Variants in PLEKHG3 observed in about 807,000 individuals in gnomAD.
The protein encoded by PLEKHG3 is pleckstrin homology and RhoGEF domain containing G3.
Under a neutral mutation model 94.9 loss-of-function variants are expected in PLEKHG3, and 62 were observed. The ratio of observed to expected loss-of-function variants is 0.65; its 90% CI spans 0.53 to 0.81. The LOEUF is 0.81. Ranked by LOEUF, PLEKHG3 falls within the 30% of genes least tolerant of loss-of-function variation. PLEKHG3 has a pLI of 0.00. For synonymous variants in PLEKHG3, 614 were observed against 654.0 expected (o/e 0.94, Z 0.93); for missense variants, 1,461 against 1,619.3 (o/e 0.90, Z 1.68).
At chr14:64,706,453 A>C (rs1464901095) in intron 1 of PLEKHG3, among the ~76,000 whole-genome samples, 1 of 152,204 alleles carries the variant, frequency 6.6e-6, no homozygotes, top group Admixed American at 6.5e-5. Context: ...ATAAAGTGGG[A>C]TTACTTGCCT....
chr14:64,732,216 G>T lies in PLEKHG3; in HGVS notation c.1212+35G>T. The T allele has an allele frequency of 6.4e-7, 1 of 1,571,590 alleles. No individual in the cohort carries two copies. Among genetic ancestry groups the T allele is most frequent in the Non-Finnish European group, 8.8e-7 (1 of 1,141,250 alleles). ...CCCAGCTCCTGACTGTGTGCAAGGA[G>T]AATGTGCTCCTCTGAGCCAGCTCTG... On this transcript the variant is annotated intron_variant, in intron 10 of 16. Coordinates refer to ENST00000247226, the MANE Select transcript of PLEKHG3 (RefSeq NM_001308147.2). The surrounding 1 kb of genome is among the most constrained non-coding windows in gnomAD (Gnocchi z 4.9).
chr14:64,732,360 G>C lies in PLEKHG3; in HGVS notation c.1213-67G>C, dbSNP rs1374414075. On this transcript the variant is annotated intron_variant, in intron 10 of 16. Transcript: ENST00000247226. The surrounding 1 kb of genome is among the most constrained non-coding windows in gnomAD (Gnocchi z 4.9). ...GGGGTGTCCTCGTACAGCAACAGTG[G>C]GTCCTATGGGCAGGGAAGGCCGGCA... is the stretch of plus-strand genomic sequence containing the variant. 6.9e-7 allele frequency: 1 copy of C among 1,444,646 alleles called. No individual in the cohort carries two copies. The highest frequency in any genetic ancestry group is 9.7e-7 in the Non-Finnish European group (1 of 1,025,776). The allele number at this position is 1,444,646 out of a possible 1,614,324, so 89.5% of individuals were successfully genotyped here.
chr14:64,747,612 A>G lies in PLEKHG3; in HGVS notation c.*3909A>G, dbSNP rs1039721756. On this transcript the variant is annotated 3_prime_UTR_variant, in exon 17 of 17. Transcript: ENST00000247226. ...CAGGGTGGAACTGATTTCTGCCGGC[A>G]CTGGTCAGCACTCAGGGTTCCTCAG... 1 of 152,214 alleles carries G rather than the reference A, an allele frequency of 6.6e-6. No individual in the cohort carries two copies. The highest frequency in any genetic ancestry group is 1.5e-5 in the Non-Finnish European group (1 of 68,038). 9.4% of individuals were successfully genotyped at this position (152,214 alleles called of 1,614,324 possible). A position where few individuals can be genotyped will look rare whatever the true frequency, so the allele number is the denominator to read the frequency against.
At position 64,739,026 on chromosome 14, in the gene PLEKHG3, T is replaced by G. The variant is rs2081632886; in HGVS notation, c.1518+171T>G. Among the ~76,000 whole-genome samples the G allele has an allele frequency of 6.6e-6, 1 of 152,122 alleles. No individual in the cohort carries two copies. The highest frequency in any genetic ancestry group is 1.5e-5 in the Non-Finnish European group (1 of 68,022). ...CATGAAGCCTGTTTGGCCTAGAGTATATGGTTTGGTGAGCAGACCACCCCT... is the reference window on the plus strand; with the variant it reads ...CATGAAGCCTGTTTGGCCTAGAGTAGATGGTTTGGTGAGCAGACCACCCCT... On this transcript the variant is annotated intron_variant, in intron 15 of 16. Coordinates refer to ENST00000247226, the MANE Select transcript of PLEKHG3 (RefSeq NM_001308147.2). This position sits in a 1 kb window ranked among gnomAD's most constrained non-coding sequence, Gnocchi z 4.1.
At chr14:64,729,838 G>C (rs1040635540) in intron 3 of PLEKHG3, among the ~76,000 whole-genome samples, 2 of 152,184 alleles carry the variant, frequency 1.3e-5, no homozygotes, top group African/African-American at 4.8e-5. Context: ...GGGGTGCCAG[G>C]ACTCACCTGT....
At chr14:64,737,915 G>A (rs1377793672) in intron 14 of PLEKHG3, 13 of 1,215,658 alleles carry the variant, frequency 1.1e-5, no homozygotes, top group Non-Finnish European at 1.4e-5. Context: ...CCCGTACTCG[G>A]GGCCTGCAGC....
chr14:64,741,876 T>C lies in PLEKHG3; in HGVS notation c.2359T>C (p.Phe787Leu), dbSNP rs367858296. The C allele has an allele frequency of 1.2e-5, 19 of 1,612,690 alleles. No homozygotes were observed. The highest frequency in any genetic ancestry group is 1.6e-5 in the Non-Finnish European group (19 of 1,179,616). ...VGSRPTSWAL[F>L]ELPGPSQAVK... ...CTCCCGGCCGACTTCGTGGGCCCTGTTTGAGCTCCCAGGACCAAGCCAGGC... is the reference window on the plus strand; with the variant it reads ...CTCCCGGCCGACTTCGTGGGCCCTGCTTGAGCTCCCAGGACCAAGCCAGGC... Residue 787 changes from phenylalanine to leucine, a missense_variant, in exon 16 of 17, where the codon TTT becomes CTT. Physicochemically the swap from Phe to Leu is conservative, Grantham distance 22. Around this residue, in one of 3 missense-constraint regions of PLEKHG3, gnomAD observed 1,201 missense variants for 1,295.5 expected, o/e 0.93. Coordinates refer to ENST00000247226, the MANE Select transcript of PLEKHG3 (RefSeq NM_001308147.2).
rs1218066306 is a variant in PLEKHG3, at chr14:64,718,570, G to A, written c.-39-9023G>A. Among the ~76,000 whole-genome samples the A allele has an allele frequency of 1.3e-5, 2 of 152,172 alleles. No individual in the cohort carries two copies. Among genetic ancestry groups the A allele is most frequent in the Non-Finnish European group, 2.9e-5 (2 of 68,038 alleles). On this transcript the variant is annotated intron_variant, in intron 1 of 16. Transcript: ENST00000247226. This position sits in a 1 kb window ranked among gnomAD's most constrained non-coding sequence, Gnocchi z 5.0. The stretch of plus-strand genomic sequence containing the variant: ...CAGCTTAGGTTGGAAGATTACTAGG[G>A]TTATCTTCAAATCAGAGAGAGATTG...
In PLEKHG3 at chr14:64,742,970, C is replaced by T. The variant is rs755411882; in HGVS notation, c.2939-12C>T. On this transcript the variant is annotated splice_polypyrimidine_tract_variant and intron_variant, in intron 16 of 16. Coordinates refer to ENST00000247226, the MANE Select transcript of PLEKHG3 (RefSeq NM_001308147.2). ...CGCCCCATGCTTCAGGCAGCTTGCT[C>T]TCTCCTCATAGGTAAGAGGAAGCCG... is the stretch of plus-strand genomic sequence containing the variant. 1.2e-6 allele frequency: 2 copies of T among 1,613,064 alleles called. No homozygotes were observed. The highest frequency in any genetic ancestry group is 2.7e-5 in the African/African-American group (2 of 74,924).
chr14:64,708,002 G>A (rs954793247), intron 1 of PLEKHG3, among the ~76,000 whole-genome samples: 2 of 152,264 alleles, frequency 1.3e-5, no homozygotes, highest in Non-Finnish European at 2.9e-5. Flanking sequence ...AAATTCTGCA[G>A]GGGTAGCATG....
Position 64,737,077 on chromosome 14 carries a change from C to T in PLEKHG3, c.1384+186C>T, listed in dbSNP as rs1240916710. On this transcript the variant is annotated intron_variant, in intron 13 of 16. Transcript: ENST00000247226. ...GGCTGGCTGAGGAGAGGGGCTGGAG[C>T]TCTCCCCCATGCACAGGCCTCATGC... 4.4e-6 allele frequency: 3 copies of T among 676,694 alleles called. No homozygotes were observed. The Admixed American group carries it at 6.4e-5, about 14-fold the overall frequency. 41.9% of individuals were successfully genotyped at this position (676,694 alleles called of 1,614,324 possible).
rs1162777350 is a variant in PLEKHG3 at position 64,728,600 on chromosome 14, C to T, written c.352-396C>T. ...CAGAGCCTCTGAGGGAGTAGGCATT[C>T]TATGCCTGTCATCCAGCTTCTGGGG... On this transcript the variant is annotated intron_variant, in intron 2 of 16. Transcript: ENST00000247226. The surrounding 1 kb of genome is among the most constrained non-coding windows in gnomAD (Gnocchi z 5.9). Among the ~76,000 whole-genome samples the T allele has an allele frequency of 6.6e-6, 1 of 152,206 alleles. No homozygotes were observed. Among genetic ancestry groups the T allele is most frequent in the Non-Finnish European group, 1.5e-5 (1 of 68,028 alleles).
rs1451148956 is a variant in PLEKHG3, at chr14:64,738,829, T to C, written c.1492T>C (p.Phe498Leu). 6.3e-7 allele frequency: 1 copy of C among 1,589,830 alleles called. No homozygotes were observed. The change falls in exon 15 of 17, where the codon TTC becomes CTC. Residue 498 changes from phenylalanine (F) to leucine (L), a missense_variant. Physicochemically the swap from Phe to Leu is conservative, Grantham distance 22 (BLOSUM62 0). Around this residue, in one of 3 missense-constraint regions of PLEKHG3, gnomAD observed 1,201 missense variants for 1,295.5 expected, o/e 0.93. Transcript: ENST00000247226. This position sits in a 1 kb window ranked among gnomAD's most constrained non-coding sequence, Gnocchi z 4.8. Reference protein sequence around the residue: ...SPTSTEKRMSFESISSLPEVE... With the variant: ...SPTSTEKRMSLESISSLPEVE... ...AACCAGTACTGAGAAGCGCATGAGC[T>C]TCGAGTCCATTTCTTCCCTGCCAGA...
Position 64,743,780 on chromosome 14 carries a change from C to G in PLEKHG3, c.*77C>G. 1 of 1,447,678 alleles carries G rather than the reference C, an allele frequency of 6.9e-7. No individual in the cohort carries two copies. The highest frequency in any genetic ancestry group is 9.1e-7 in the Non-Finnish European group (1 of 1,096,052). The allele number at this position is 1,447,678 out of a possible 1,614,324, so 89.7% of individuals were successfully genotyped here. ...GGGCATCCTTCCCCTCAAGCCTGGG[C>G]TCATGGAGCCCCTGCCCAGGGCCCT... is the stretch of plus-strand genomic sequence containing the variant. On this transcript the variant is annotated 3_prime_UTR_variant, in exon 17 of 17. Transcript: ENST00000247226. The surrounding 1 kb of genome is among the most constrained non-coding windows in gnomAD (Gnocchi z 7.2).
rs1376214246 is a variant in PLEKHG3 at position 64,727,662 on chromosome 14, G to A, written c.31G>A (p.Gly11Ser). 1 of 1,612,456 alleles carries A rather than the reference G, an allele frequency of 6.2e-7. No homozygotes were observed. Among genetic ancestry groups the A allele is most frequent in the Non-Finnish European group, 8.5e-7 (1 of 1,179,618 alleles). The change falls in exon 2 of 17, where the codon GGC becomes AGC. Residue 11 changes from glycine to serine, a missense_variant. Physicochemically the swap from Gly to Ser is moderately conservative, Grantham distance 56. Transcript: ENST00000247226. The surrounding 1 kb of genome is among the most constrained non-coding windows in gnomAD (Gnocchi z 6.0). MPVSTSLHQD[G>S]SQERPVSLTS... The stretch of plus-strand genomic sequence containing the variant: ...TGTGTCCACCTCCCTCCACCAGGAT[G>A]GCAGCCAGGAGCGGCCGGTGAGCCT...
At position 64,738,502 on chromosome 14, in the gene PLEKHG3, T is replaced by G. The variant is rs2081620662; in HGVS notation, c.1405-240T>G. Among the ~76,000 whole-genome samples the G allele has an allele frequency of 6.6e-6, 1 of 152,086 alleles. No individual in the cohort carries two copies. The highest frequency in any genetic ancestry group is 1.5e-5 in the Non-Finnish European group (1 of 67,992). On this transcript the variant is annotated intron_variant, in intron 14 of 16. Transcript: ENST00000247226. The surrounding 1 kb of genome is among the most constrained non-coding windows in gnomAD (Gnocchi z 4.8). ...CTAGCACACAGTGGGGCTGGAAAGG[T>G]CAAGTCCACTTTGGAGGGACAGAAA...
chr14:64,742,952 T>C (rs764756681), intron 16 of PLEKHG3, 30 bp from the exon 17 acceptor site: 3 of 1,612,186 alleles, frequency 1.9e-6, no homozygotes, highest in African/African-American at 1.3e-5. Context: ...TCCCGCCCCA[T>C]GCTTCAGGCA....
At chr14:64,713,369 G>A (rs1179475607) in intron 1 of PLEKHG3, among the ~76,000 whole-genome samples, 1 of 152,128 alleles carries the variant, frequency 6.6e-6, no homozygotes, top group African/African-American at 2.4e-5. Context: ...GTGAAGAGTT[G>A]ATATGAATTA....
At position 64,732,258 on chromosome 14, in the gene PLEKHG3, C is replaced by A; in HGVS notation, c.1212+77C>A. ...CCAGCTCTGCAAGGTCCATTGGGGGCTCACCTTCTGGATTTGGGCTCCAGT... is the reference window on the plus strand; with the variant it reads ...CCAGCTCTGCAAGGTCCATTGGGGGATCACCTTCTGGATTTGGGCTCCAGT... On this transcript the variant is annotated intron_variant, in intron 10 of 16. Coordinates refer to ENST00000247226, the MANE Select transcript of PLEKHG3 (RefSeq NM_001308147.2). This position sits in a 1 kb window ranked among gnomAD's most constrained non-coding sequence, Gnocchi z 4.9. 1 of 1,396,580 alleles carries A rather than the reference C, an allele frequency of 7.2e-7. No homozygotes were observed. Among genetic ancestry groups the A allele is most frequent in the Non-Finnish European group, 1.0e-6 (1 of 983,074 alleles). 86.5% of individuals were successfully genotyped at this position (1,396,580 alleles called of 1,614,324 possible). A position where few individuals can be genotyped will look rare whatever the true frequency, so the allele number is the denominator to read the frequency against.
Sources: gnomAD v4.1 joint callset for allele counts (sites outside exome capture counted in the v4.1 genomes callset) on GRCh38, gnomAD v4.1.1 for gene constraint, gnomAD v4.1.1 regional missense constraint, Gnocchi (gnomAD v3.1) non-coding constraint, MANE v1.5 for transcripts, NCBI Gene and HGNC (gene_info 2026-07-23, HGNC 2026-07-21) for gene names.